CAPS2: variants seen among roughly 807,000 people sequenced by gnomAD.
CAPS2 encodes the protein calcyphosin-2.
In CAPS2, 98 loss-of-function variants were observed where a neutral mutation model predicts 86.5. That is an observed-to-expected ratio of 1.13 (90% CI 0.96 to 1.34). CAPS2 has a LOEUF of 1.34. CAPS2 is among the 40% of genes most tolerant of loss of function. CAPS2 has a pLI of 0.00. For missense variants in CAPS2, 729 were observed against 686.8 expected (o/e 1.06, Z -0.69); for synonymous variants, 210 against 225.1 (o/e 0.93, Z 0.60).
At chr12:75,303,284 C>T (rs2038043625) in intron 8 of CAPS2, among the ~76,000 whole-genome samples, 2 of 152,140 alleles carry the variant, frequency 1.3e-5, no homozygotes, top group African/African-American at 4.8e-5. Flanking sequence ...TCATGTTGTA[C>T]ATCTTATATA....
At chr12:75,371,852 T>C (rs1195644107) in intron 1 of CAPS2, among the ~76,000 whole-genome samples, 1 of 152,218 alleles carries the variant, frequency 6.6e-6, no homozygotes, top group East Asian at 1.9e-4. Flanking sequence ...TTTCTGCAAC[T>C]GGTCACGTGG....
intron 1 of CAPS2, among the ~76,000 whole-genome samples, chr12:75,387,149 T>C (rs2045333116): frequency 6.6e-6 from 1 of 152,132 alleles, no homozygotes; most frequent in Non-Finnish European, 1.5e-5. Context: ...GAAAAATACT[T>C]ACAGAAGATA....
chr12:75,321,418 T>C (rs1565901032), exon 5 of CAPS2: 3 of 1,543,292 alleles, frequency 1.9e-6, no homozygotes, highest in Non-Finnish European at 1.8e-6. Flanking sequence ...CTATCTTGTT[T>C]CTTGGAGACT....
chr12:75,311,265 A>G (rs1399619768), intron 7 of CAPS2, among the ~76,000 whole-genome samples: 1 of 152,196 alleles, frequency 6.6e-6, no homozygotes, highest in Non-Finnish European at 1.5e-5. Context: ...AAGTTTGAAC[A>G]GGATGGTGGC....
Position 75,304,614 on chromosome 12 carries a change from A to C in CAPS2, c.779+143T>G, listed in dbSNP as rs77388892. 7.7e-3 allele frequency: 4,235 copies of C among 547,280 alleles called. 143 individuals are homozygous for C. The East Asian group carries it at 0.095, about 12-fold the overall frequency. 33.9% of individuals were successfully genotyped at this position (547,280 alleles called of 1,614,324 possible). ...AATATCATGAAGTAGCAGAACTGGG[A>C]GCTGAACTCAAAAAATTCCACTTTT... On this transcript the variant is annotated intron_variant, in intron 8 of 16. Transcript: ENST00000393284.
intron 7 of CAPS2, among the ~76,000 whole-genome samples, chr12:75,312,517 A>G (rs1051993568): frequency 6.6e-6 from 1 of 152,240 alleles, no homozygotes; most frequent in Non-Finnish European, 1.5e-5. Context: ...CATAAGATGC[A>G]TACAGATCCT....
intron 7 of CAPS2, among the ~76,000 whole-genome samples, chr12:75,310,602 G>C (rs945484635): frequency 1.3e-5 from 2 of 152,110 alleles, no homozygotes; most frequent in East Asian, 3.9e-4. Flanking sequence ...TAGTAATCCT[G>C]ATCCATTTCC....
intron 1 of CAPS2, among the ~76,000 whole-genome samples, chr12:75,390,081 G>A (rs2045499783): frequency 6.6e-6 from 1 of 152,184 alleles, no homozygotes. Flanking sequence ...CTCTCCCAAT[G>A]TCAATTTTCC....
Position 75,326,414 on chromosome 12 carries a change from A to G in CAPS2, c.81+4T>C, listed in dbSNP as rs1479028695. ...AAGAAGAAAATTATATAGAGCTCAC[A>G]TACTTGTAGAGGCTTCTTTCTTCCA... On this transcript the variant is annotated splice_donor_region_variant and intron_variant, in intron 1 of 16. Transcript: ENST00000393284. 7 of 1,319,760 alleles carry G rather than the reference A, an allele frequency of 5.3e-6. No homozygotes were observed. The African/African-American group carries it at 1.0e-4, about 19-fold the overall frequency. 81.8% of individuals were successfully genotyped at this position (1,319,760 alleles called of 1,614,324 possible).
At chr12:75,358,855 A>G (rs1359047009) in intron 1 of CAPS2, among the ~76,000 whole-genome samples, 1 of 144,456 alleles carries the variant, frequency 6.9e-6, no homozygotes, top group Non-Finnish European at 1.5e-5. Flanking sequence ...TATATTATAT[A>G]TGGTTTAAAC....
upstream of CAPS2, chr12:75,326,659 C>A: frequency 3.6e-6 from 2 of 561,900 alleles, no homozygotes; most frequent in Non-Finnish European, 6.4e-6. Context: ...TTACCAATAT[C>A]AACTTTTTAT....
At chr12:75,340,945 T>C (rs958947277) in intron 1 of CAPS2, among the ~76,000 whole-genome samples, 7 of 151,724 alleles carry the variant, frequency 4.6e-5, no homozygotes, top group African/African-American at 1.7e-4. Flanking sequence ...CTGGTGAAGA[T>C]ATGGAGAAAA....
chr12:75,353,445 G>C (rs1182603105), intron 1 of CAPS2, among the ~76,000 whole-genome samples: 1 of 152,158 alleles, frequency 6.6e-6, no homozygotes, highest in African/African-American at 2.4e-5. Flanking sequence ...ACTGAACCAG[G>C]AAGAAGTTGA....
At position 75,288,953 on chromosome 12, in the gene CAPS2, A is replaced by C. The variant is rs1425264767; in HGVS notation, c.1395+668T>G. 2.6e-5 allele frequency among the ~76,000 whole-genome samples: 4 copies of C among 152,336 alleles called. No individual in the cohort carries two copies. The East Asian group carries it at 7.7e-4, about 29-fold the overall frequency. ...AGATGGGAGTGCTCCTTTAGACAGA[A>C]GTGTCAGGGTAATGCTCTTGACAGA... On this transcript the variant is annotated intron_variant, in intron 14 of 16. Transcript: ENST00000393284.
chr12:75,366,972 G>C (rs1216378582), intron 1 of CAPS2: 1 of 701,762 alleles, frequency 1.4e-6, no homozygotes. Context: ...GCAGCTTGCA[G>C]CTTGCAGTAA....
intron 1 of CAPS2, among the ~76,000 whole-genome samples, chr12:75,389,739 C>A (rs2045478140): frequency 6.6e-6 from 1 of 152,114 alleles, no homozygotes; most frequent in Non-Finnish European, 1.5e-5. Context: ...TTTCTGTATA[C>A]AATTTCCAGA....
intron 1 of CAPS2, chr12:75,363,069 C>G (rs1312017614): frequency 8.9e-7 from 1 of 1,128,216 alleles, no homozygotes. Flanking sequence ...AATTAACAGC[C>G]ATTTGGCTAA....
exon 17 of CAPS2, chr12:75,277,703 G>A (rs1406263717): frequency 1.1e-6 from 1 of 887,968 alleles, no homozygotes; most frequent in African/African-American, 1.8e-5. Flanking sequence ...GATGGATACA[G>A]TGATATGTCT....
At chr12:75,383,522 G>C (rs1210600827) in intron 1 of CAPS2, among the ~76,000 whole-genome samples, 1 of 152,140 alleles carries the variant, frequency 6.6e-6, no homozygotes, top group Non-Finnish European at 1.5e-5. Context: ...ACAAGAGAGT[G>C]TAGAAATATA....
Sources: allele counts gnomAD v4.1 joint callset (sites outside exome capture counted in the v4.1 genomes callset), GRCh38; gene constraint gnomAD v4.1.1; transcripts MANE v1.5; gene names NCBI Gene and HGNC (gene_info 2026-07-23, HGNC 2026-07-21).